The following SLC24A2 variants were observed in gnomAD, a reference collection of about 807,000 sequenced individuals.
The protein encoded by SLC24A2 is solute carrier family 24 member 2, also known as sodium/potassium/calcium exchanger 2.
SLC24A2 carries 36 observed loss-of-function variants against 62.0 expected under a neutral mutation model. The observed-to-expected ratio is 0.58, with a 90% CI of 0.44 to 0.77. The LOEUF (loss-of-function observed/expected upper bound fraction) is 0.77. Ranked by LOEUF, SLC24A2 falls within the 30% of genes least tolerant of loss-of-function variation. The probability of loss-of-function intolerance (pLI) is 0.00; values close to 1 mark genes in which losing one functional copy is unlikely to be tolerated. For synonymous variants in SLC24A2, 358 were observed against 294.0 expected (o/e 1.22, Z -2.23); for missense variants, 846 against 817.9 (o/e 1.03, Z -0.42).
Position 19,516,400 on chromosome 9 carries a change from A to T in SLC24A2, c.1739T>A (p.Leu580His). 6.2e-7 allele frequency: 1 copy of T among 1,613,634 alleles called. No individual in the cohort carries two copies. Among genetic ancestry groups the T allele is most frequent in the Non-Finnish European group, 8.5e-7 (1 of 1,179,940 alleles). Reference sequence around the variant, plus strand: ...GGTGTACAGGAGCCAGGGCAGTGGGAGCCTGTGCAGAAGTGAAGCAGGGCA... The same window carrying T: ...GGTGTACAGGAGCCAGGGCAGTGGGTGCCTGTGCAGAAGTGAAGCAGGGCA... The part of the protein sequence containing the change: ...GSNIFDITVG[L>H]PLPWLLYTVI... The change falls in exon 11 of 11, where the codon CTC (leucine) becomes CAC (histidine). Residue 580 changes from leucine to histidine, a missense_variant and splice_region_variant. Physicochemically the swap from Leu to His is moderately conservative, Grantham distance 99. Coordinates refer to ENST00000341998, the MANE Select transcript of SLC24A2 (RefSeq NM_020344.4).
chr9:19,646,381 ATCC>A (rs1270230313), intron 2 of SLC24A2, among the ~76,000 whole-genome samples: 1 of 152,210 alleles, frequency 6.6e-6, no homozygotes, highest in Non-Finnish European at 1.5e-5. Context: ...AAAAACTGGT[ATCC>A]TCCTCAGCAG....
chr9:20,233,697 C>G, the SLC24A2 span, among the ~76,000 whole-genome samples: 87 of 152,152 alleles, frequency 5.7e-4, no homozygotes, highest in Non-Finnish European at 8.8e-5. Context: ...CAGTCTGTGT[C>G]TTTTAATTGA....
At chr9:20,021,036 C>T in the SLC24A2 span, among the ~76,000 whole-genome samples, 4 of 152,100 alleles carry the variant, frequency 2.6e-5, no homozygotes, top group Non-Finnish European at 4.4e-5. Context: ...ATACTGTATA[C>T]ATAGACATAA....
chr9:19,837,458 CAAAAAAAAAAAAAAAAAAAAAAAA>C, the SLC24A2 span, among the ~76,000 whole-genome samples: 169 of 22,358 alleles, frequency 7.6e-3, 1 homozygote, highest in African/African-American at 0.02. Context: ...GACTCCGTCT[CAAAAAAAAAAAAAAAAAAAAAAAA>C]AAAAAAAAAA....
chr9:20,237,711 C>G, the SLC24A2 span, among the ~76,000 whole-genome samples: 1 of 152,116 alleles, frequency 6.6e-6, no homozygotes, highest in African/African-American at 2.4e-5. Context: ...CTTAGTAAGA[C>G]TTGATCTGAG....
chr9:20,306,794 T>A, the SLC24A2 span, among the ~76,000 whole-genome samples: 1 of 152,188 alleles, frequency 6.6e-6, no homozygotes, highest in Non-Finnish European at 1.5e-5. Flanking sequence ...CCTCCTGGGT[T>A]CAAGCGATTC....
the SLC24A2 span, among the ~76,000 whole-genome samples, chr9:20,277,866 G>C: frequency 1.3e-5 from 2 of 152,160 alleles, no homozygotes; most frequent in African/African-American, 4.8e-5. Context: ...ACTGGATTAA[G>C]AAAATATGGC....
the SLC24A2 span, among the ~76,000 whole-genome samples, chr9:19,832,249 A>G: frequency 6.6e-6 from 1 of 152,262 alleles, no homozygotes; most frequent in Non-Finnish European, 1.5e-5. Context: ...GAAGTTAAAG[A>G]AACCCATAAT....
the SLC24A2 span, among the ~76,000 whole-genome samples, chr9:19,799,017 T>C: frequency 2.0e-5 from 3 of 152,214 alleles, no homozygotes; most frequent in Non-Finnish European, 4.4e-5. Context: ...TTTCATTTTA[T>C]TTCATGGGAT....
At chr9:20,267,346 G>A in the SLC24A2 span, among the ~76,000 whole-genome samples, 1 of 152,110 alleles carries the variant, frequency 6.6e-6, no homozygotes, top group Non-Finnish European at 1.5e-5. Flanking sequence ...TTTGGAATAA[G>A]AATATGGCAA....
chr9:20,055,877 A>T, the SLC24A2 span, among the ~76,000 whole-genome samples: 1 of 152,158 alleles, frequency 6.6e-6, no homozygotes, highest in African/African-American at 2.4e-5. Context: ...TGACAGAGTG[A>T]GACTCTGTCT....
At chr9:19,877,686 A>C in the SLC24A2 span, among the ~76,000 whole-genome samples, 4 of 151,844 alleles carry the variant, frequency 2.6e-5, no homozygotes, top group South Asian at 6.2e-4. Flanking sequence ...AGCTTTCTGC[A>C]GAGCTCCAGA....
chr9:19,649,295 C>T (rs1196515008), intron 2 of SLC24A2, among the ~76,000 whole-genome samples: 1 of 149,464 alleles, frequency 6.7e-6, no homozygotes, highest in Non-Finnish European at 1.5e-5. Flanking sequence ...AAGTATTCAA[C>T]TTTTTTTTTT....
At chr9:20,189,319 T>A in the SLC24A2 span, among the ~76,000 whole-genome samples, 1 of 152,170 alleles carries the variant, frequency 6.6e-6, no homozygotes, top group Non-Finnish European at 1.5e-5. Context: ...GAAGTTGTCA[T>A]CCTGTGTTGA....
At chr9:19,609,622 A>G (rs1837088774) in intron 4 of SLC24A2, among the ~76,000 whole-genome samples, 1 of 152,124 alleles carries the variant, frequency 6.6e-6, no homozygotes, top group Non-Finnish European at 1.5e-5. Context: ...AAGTTCTTAA[A>G]TATTTCTTTT....
the SLC24A2 span, among the ~76,000 whole-genome samples, chr9:20,204,875 C>T: frequency 6.6e-6 from 1 of 151,896 alleles, no homozygotes; most frequent in East Asian, 1.9e-4. Flanking sequence ...TCCCGAGTAG[C>T]CTGGACTACA....
At chr9:20,100,929 C>G in the SLC24A2 span, among the ~76,000 whole-genome samples, 2 of 152,134 alleles carry the variant, frequency 1.3e-5, no homozygotes, top group South Asian at 4.1e-4. Flanking sequence ...GTGGTCTCTC[C>G]AGAAGCAGAC....
the SLC24A2 span, among the ~76,000 whole-genome samples, chr9:19,913,416 G>C: frequency 3.3e-5 from 5 of 152,192 alleles, no homozygotes; most frequent in East Asian, 9.7e-4. Flanking sequence ...AGCTAGTCCA[G>C]TCAGATTCCC....
At chr9:19,666,499 G>C (rs1819257558) in intron 2 of SLC24A2, among the ~76,000 whole-genome samples, 1 of 151,558 alleles carries the variant, frequency 6.6e-6, no homozygotes, top group Non-Finnish European at 1.5e-5. Flanking sequence ...GTGGAATATA[G>C]ACACTAAGGA....
Sources: allele counts gnomAD v4.1 joint callset (sites outside exome capture counted in the v4.1 genomes callset), GRCh38; gene constraint gnomAD v4.1.1; transcripts MANE v1.5; gene names NCBI Gene and HGNC (gene_info 2026-07-23, HGNC 2026-07-21).